DLGAP1: variants seen among roughly 807,000 people sequenced by gnomAD.
DLGAP1 encodes the protein DLG associated protein 1.
Under a neutral mutation model 90.8 loss-of-function variants are expected in DLGAP1, and 11 were observed. The ratio of observed to expected loss-of-function variants is 0.12; its 90% confidence interval spans 0.08 to 0.20. The LOEUF (loss-of-function observed/expected upper bound fraction) is 0.20. Ranked by LOEUF, DLGAP1 falls within the 10% of genes least tolerant of loss-of-function variation. DLGAP1 has a pLI of 1.00. For synonymous variants in DLGAP1, 558 were observed against 540.7 expected (o/e 1.03, Z -0.44); for missense variants, 1,050 against 1,333.8 (o/e 0.79, Z 3.31).
intron 7 of DLGAP1, among the ~76,000 whole-genome samples, chr18:3,585,970 G>A (rs750064913): frequency 2.7e-4 from 41 of 152,268 alleles, no homozygotes; most frequent in Non-Finnish European, 5.3e-4. Context: ...CCTCCAGTGC[G>A]GCTCCTACAC....
At chr18:3,976,222 G>GTAATAATAATA (rs1568329962) in intron 3 of DLGAP1, among the ~76,000 whole-genome samples, 61 of 123,994 alleles carry the variant, frequency 4.9e-4, no homozygotes, top group African/African-American at 1.7e-3. Context: ...TAATAATAAC[G>GTAATAATAATA]ATAATTAGCC....
At chr18:4,109,478 T>C (rs558813325) in intron 2 of DLGAP1, among the ~76,000 whole-genome samples, 1 of 152,334 alleles carries the variant, frequency 6.6e-6, no homozygotes, top group South Asian at 2.1e-4. Context: ...ATGGTTACTG[T>C]AGTGTTCAGA....
chr18:3,862,558 G>A lies in DLGAP1; in HGVS notation c.957+16554C>T, dbSNP rs1312941606. On this transcript the variant is annotated intron_variant, in intron 4 of 12. Transcript: ENST00000315677. Reference sequence around the variant, plus strand: ...AGAGGAGCCGACAGGCACGTGGAGGGGACAGCGCCAGGTGGGTGGGAAGAT... The same window carrying A: ...AGAGGAGCCGACAGGCACGTGGAGGAGACAGCGCCAGGTGGGTGGGAAGAT... Among the ~76,000 whole-genome samples, 5 of 152,260 alleles carry A rather than the reference G, an allele frequency of 3.3e-5. No individual in the cohort carries two copies. In the East Asian group the frequency reaches 9.7e-4, roughly 29 times the overall value.
At chr18:4,241,228 A>G (rs1483475751) in intron 1 of DLGAP1, among the ~76,000 whole-genome samples, 2 of 152,142 alleles carry the variant, frequency 1.3e-5, no homozygotes, top group Non-Finnish European at 2.9e-5. Context: ...TGGGGATTCC[A>G]ATGCCCTGTG....
intron 5 of DLGAP1, among the ~76,000 whole-genome samples, chr18:3,749,438 C>A (rs1027146108): frequency 5.3e-5 from 8 of 152,130 alleles, no homozygotes; most frequent in African/African-American, 1.9e-4. Flanking sequence ...CAGGGGTGAG[C>A]CACTGCGCCC....
At chr18:3,963,872 A>G (rs566858896) in intron 3 of DLGAP1, among the ~76,000 whole-genome samples, 114 of 152,356 alleles carry the variant, frequency 7.5e-4, no homozygotes, top group African/African-American at 2.7e-3. Flanking sequence ...ACAAAGAAAA[A>G]GGAAGGTAAA....
chr18:3,864,063 G>A (rs2070243037), intron 4 of DLGAP1, among the ~76,000 whole-genome samples: 1 of 152,104 alleles, frequency 6.6e-6, no homozygotes, highest in Admixed American at 6.6e-5. Context: ...CTTTTATCTG[G>A]CCACTGCCCC....
rs2074585957 is a variant in DLGAP1 at position 4,020,119 on chromosome 18, C to T, written c.-158-14918G>A. 2.0e-5 allele frequency among the ~76,000 whole-genome samples: 3 copies of T among 152,224 alleles called. No individual in the cohort carries two copies. In the South Asian group the frequency reaches 6.2e-4, roughly 32 times the overall value. ...GGTTTTATCGTGCAGATGAAGCCTC[C>T]AAGTAGCAGGCTTCAGAGAGAATAG... On this transcript the variant is annotated intron_variant, in intron 2 of 12. Transcript: ENST00000315677.
In DLGAP1 at chr18:4,134,808, A is replaced by G. The variant is rs145384236; in HGVS notation, c.-159+16372T>C. ...ACATGATTTTTTTTCCCCAGGGGAC[A>G]TAATTAAAGAGGGCGATACTGCTGA... On this transcript the variant is annotated intron_variant, in intron 2 of 12. Transcript: ENST00000315677. Among the ~76,000 whole-genome samples, 32 of 152,228 alleles carry G rather than the reference A, an allele frequency of 2.1e-4. No individual in the cohort carries two copies. The East Asian group carries it at 2.7e-3, about 13-fold the overall frequency.
At position 3,891,254 on chromosome 18, in the gene DLGAP1, G is replaced by C. The variant is rs755471773; in HGVS notation, c.-72-11114C>G. 3.4e-4 allele frequency among the ~76,000 whole-genome samples: 52 copies of C among 152,146 alleles called. 1 individual carries two copies. The highest frequency in any genetic ancestry group is 4.3e-4 in the Non-Finnish European group (29 of 68,026). ...CTTCACTTCCTCCCTTGCCAGCCTA[G>C]GAGAGACAGCAGGTCAAACTTTTTT... On this transcript the variant is annotated intron_variant, in intron 3 of 12. Coordinates refer to ENST00000315677, the MANE Select transcript of DLGAP1 (RefSeq NM_004746.4).
chr18:4,106,451 T>A (rs538379522), intron 2 of DLGAP1, among the ~76,000 whole-genome samples: 2 of 150,064 alleles, frequency 1.3e-5, no homozygotes, highest in African/African-American at 4.9e-5. Context: ...GGGCGAGGAG[T>A]GGGTAGAAGA....
chr18:3,990,278 A>G (rs1252359805), intron 3 of DLGAP1, among the ~76,000 whole-genome samples: 3 of 152,072 alleles, frequency 2.0e-5, no homozygotes, highest in African/African-American at 7.2e-5. Context: ...TGTGGCACAT[A>G]TACACCATGG....
Position 4,141,048 on chromosome 18 carries a change from C to T in DLGAP1, c.-159+10132G>A, listed in dbSNP as rs567525220. On this transcript the variant is annotated intron_variant, in intron 2 of 12. Transcript: ENST00000315677. ...TTAAATCTGCTTGGTGTTCTATATG[C>T]TTCTTGTACTCGAATATTTATACCT... 3.3e-5 allele frequency among the ~76,000 whole-genome samples: 5 copies of T among 152,068 alleles called. No individual in the cohort carries two copies. The South Asian group carries it at 1.0e-3, about 32-fold the overall frequency.
At chr18:4,298,949 C>T (rs1159847175) in intron 1 of DLGAP1, among the ~76,000 whole-genome samples, 1 of 151,718 alleles carries the variant, frequency 6.6e-6, no homozygotes, top group Admixed American at 6.6e-5. Flanking sequence ...AGCGTGGTGG[C>T]AGGCGCCTGT....
At chr18:3,943,654 C>T (rs1738547139) in intron 3 of DLGAP1, among the ~76,000 whole-genome samples, 1 of 152,060 alleles carries the variant, frequency 6.6e-6, no homozygotes, top group African/African-American at 2.4e-5. Context: ...AATAAAACAG[C>T]CTATAATTCA....
At chr18:3,781,865 G>A (rs1400657028) in intron 5 of DLGAP1, among the ~76,000 whole-genome samples, 3 of 152,130 alleles carry the variant, frequency 2.0e-5, no homozygotes, top group Non-Finnish European at 2.9e-5. Context: ...AACAAGTTCA[G>A]ATCTTTTCTT....
intron 1 of DLGAP1, among the ~76,000 whole-genome samples, chr18:4,232,837 C>T (rs752735618): frequency 6.6e-6 from 1 of 152,038 alleles, no homozygotes; most frequent in South Asian, 2.1e-4. Flanking sequence ...AAGGTGAAAC[C>T]GCCAGCACCT....
intron 1 of DLGAP1, among the ~76,000 whole-genome samples, chr18:4,380,139 T>C (rs551702099): frequency 2.0e-5 from 3 of 152,298 alleles, no homozygotes; most frequent in African/African-American, 4.8e-5. Context: ...CTCATGACTA[T>C]GAATAGGACT....
chr18:3,729,065 C>T lies in DLGAP1; in HGVS notation c.1591+70G>A. ...CAACTATGTGTGTTGACAGCAAGGG[C>T]ACAGTCTTTGGGGACAGTCGTGCCA... is the stretch of plus-strand genomic sequence containing the variant. On this transcript the variant is annotated intron_variant, in intron 7 of 12. Coordinates refer to ENST00000315677, the MANE Select transcript of DLGAP1 (RefSeq NM_004746.4). The surrounding 1 kb of genome is among the most constrained non-coding windows in gnomAD (Gnocchi z 6.2). 1 of 1,528,210 alleles carries T rather than the reference C, an allele frequency of 6.5e-7. No homozygotes were observed. Among genetic ancestry groups the T allele is most frequent in the South Asian group, 1.3e-5 (1 of 79,528 alleles). The allele number at this position is 1,528,210 out of a possible 1,614,324, so 94.7% of individuals were successfully genotyped here.
Sources: allele counts gnomAD v4.1 joint callset (sites outside exome capture counted in the v4.1 genomes callset), GRCh38; gene constraint gnomAD v4.1.1; non-coding constraint Gnocchi (gnomAD v3.1); transcripts MANE v1.5; gene names NCBI Gene and HGNC (gene_info 2026-07-23, HGNC 2026-07-21).